Variants in HIRA observed in about 807,000 individuals in gnomAD.
HIRA encodes histone cell cycle regulator, also known as protein HIRA.
Under a neutral mutation model 126.6 loss-of-function variants are expected in HIRA, and 13 were observed. The observed-to-expected ratio is 0.10, with a 90% CI of 0.07 to 0.16. HIRA has a LOEUF of 0.16. HIRA is among the 10% of genes least tolerant of loss of function. HIRA has a pLI of 1.00. For synonymous variants in HIRA, 511 were observed against 520.0 expected (o/e 0.98, Z 0.24); for missense variants, 834 against 1,314.4 (o/e 0.63, Z 5.65).
At chr22:19,352,110 T>C (rs1036591608) in intron 23 of HIRA, among the ~76,000 whole-genome samples, 1 of 151,968 alleles carries the variant, frequency 6.6e-6, no homozygotes, top group South Asian at 2.1e-4. Flanking sequence ...GGTCCACTTT[T>C]ATACTAGATT....
chr22:19,396,749 G>C (rs758588502), intron 7 of HIRA, 38 bp downstream of exon 7: 1 of 1,606,254 alleles, frequency 6.2e-7, no homozygotes, highest in Non-Finnish European at 8.5e-7. Context: ...GGCTGGGGCA[G>C]CTGCGGGGGC....
At chr22:19,402,827 C>T (rs1601847418) in intron 5 of HIRA, among the ~76,000 whole-genome samples, 1 of 152,088 alleles carries the variant, frequency 6.6e-6, no homozygotes, top group South Asian at 2.1e-4. Flanking sequence ...AGCTTTAGGA[C>T]AGGTGTGGTG....
At chr22:19,358,295 T>G (rs2088832615) in intron 18 of HIRA, among the ~76,000 whole-genome samples, 1 of 152,222 alleles carries the variant, frequency 6.6e-6, no homozygotes, top group Admixed American at 6.5e-5. Context: ...AAAGCCATCA[T>G]TTTTGGGCTG....
At chr22:19,398,166 G>T in intron 5 of HIRA, 79 bp from the exon 6 acceptor site, 1 of 1,025,460 alleles carries the variant, frequency 9.8e-7, no homozygotes, top group South Asian at 1.4e-5. Flanking sequence ...GTGCCCCTGG[G>T]ACCTGGGACC....
At chr22:19,346,537 AC>A (rs2088688619) in intron 24 of HIRA, among the ~76,000 whole-genome samples, 1 of 152,218 alleles carries the variant, frequency 6.6e-6, no homozygotes, top group African/African-American at 2.4e-5. Flanking sequence ...GGCTATGTCT[AC>A]GTCTGCTCTA....
chr22:19,400,604 C>T (rs1601845968), intron 5 of HIRA, among the ~76,000 whole-genome samples: 1 of 152,132 alleles, frequency 6.6e-6, no homozygotes. Flanking sequence ...CTCCTAAACT[C>T]CCAGTTTGGA....
rs190620718 is a variant in HIRA, at chr22:19,388,539, G to A, written c.952C>T (p.Arg318Trp). ...AGTTCATGGATGACCACCAGCGGCC[G>A]TTTCAGACATGTGAGCTGGAAGGAA... Reference protein sequence around the residue: ...SLSVWLTCLKRPLVVIHELFD... With the variant: ...SLSVWLTCLKWPLVVIHELFD... The change falls in exon 10 of 25, where the codon CGG becomes TGG. Residue 318 changes from arginine (R) to tryptophan (W), a missense_variant. Physicochemically the swap from Arg to Trp is moderately radical, Grantham distance 101. Transcript: ENST00000263208. The A allele has an allele frequency of 1.2e-6, 2 of 1,613,226 alleles. No individual in the cohort carries two copies. Among genetic ancestry groups the A allele is most frequent in the East Asian group, 2.2e-5 (1 of 44,878 alleles).
intron 2 of HIRA, among the ~76,000 whole-genome samples, chr22:19,408,966 T>A (rs2089328847): frequency 6.6e-6 from 1 of 152,164 alleles, no homozygotes; most frequent in African/African-American, 2.4e-5. Context: ...ATCTGTGAAA[T>A]GAGGAGAAGG....
chr22:19,417,761 C>A (rs2089411464), intron 1 of HIRA, among the ~76,000 whole-genome samples: 1 of 152,080 alleles, frequency 6.6e-6, no homozygotes, highest in Non-Finnish European at 1.5e-5. Flanking sequence ...GGGTATATAA[C>A]CAAAAGAAAG....
At chr22:19,394,716 C>A (rs1344224144) in intron 7 of HIRA, among the ~76,000 whole-genome samples, 2 of 152,204 alleles carry the variant, frequency 1.3e-5, no homozygotes, top group Non-Finnish European at 2.9e-5. Context: ...CTGCAGCATC[C>A]TACACTCCCC....
chr22:19,372,291 T>C (rs923241201), intron 15 of HIRA, among the ~76,000 whole-genome samples: 4 of 152,356 alleles, frequency 2.6e-5, no homozygotes, highest in Admixed American at 1.3e-4. Context: ...CAAATGGGTA[T>C]GAAGTATTTC....
chr22:19,409,240 T>C (rs1206369705), intron 2 of HIRA, among the ~76,000 whole-genome samples: 3 of 152,108 alleles, frequency 2.0e-5, no homozygotes, highest in East Asian at 1.9e-4. Context: ...AGTTGATGTA[T>C]TGCTCGGCTA....
chr22:19,421,079 C>T (rs1185974563), intron 1 of HIRA, among the ~76,000 whole-genome samples: 2 of 152,100 alleles, frequency 1.3e-5, no homozygotes, highest in Non-Finnish European at 2.9e-5. Context: ...GGGTGGATCA[C>T]CTGAGGTCAG....
At chr22:19,350,352 T>C (rs1401612854) in intron 24 of HIRA, among the ~76,000 whole-genome samples, 1 of 152,196 alleles carries the variant, frequency 6.6e-6, no homozygotes, top group African/African-American at 2.4e-5. Context: ...AATTGCTCAA[T>C]GATTGAATGA....
chr22:19,427,235 C>T (rs2089495652), intron 1 of HIRA, among the ~76,000 whole-genome samples: 1 of 152,206 alleles, frequency 6.6e-6, no homozygotes, highest in South Asian at 2.1e-4. Context: ...TTGTGACAAC[C>T]ACAAATGTCT....
At chr22:19,396,642 A>G (rs1211609611) in intron 7 of HIRA, 145 bp downstream of exon 7, 3 of 698,806 alleles carry the variant, frequency 4.3e-6, no homozygotes, top group Non-Finnish European at 7.3e-6. Flanking sequence ...CACCCCAGAG[A>G]GCCTTGGTGA....
chr22:19,331,422 AGGGCAGGCTG>A lies in HIRA; in HGVS notation c.*8_*17del. 1 of 1,613,574 alleles carries A rather than the reference AGGGCAGGCTG, an allele frequency of 6.2e-7. No individual in the cohort carries two copies. Among genetic ancestry groups the A allele is most frequent in the Non-Finnish European group, 8.5e-7 (1 of 1,179,862 alleles). Reference sequence around the variant, plus strand: ...GTGTGGCCCTGCCCTTGCTGCAGCCAGGGCAGGCTGGGGCAGGCTACTTGTCCCTCAGGAT... The same window carrying A: ...GTGTGGCCCTGCCCTTGCTGCAGCCAGGGCAGGCTACTTGTCCCTCAGGAT... On this transcript the variant is annotated 3_prime_UTR_variant, in exon 25 of 25. Coordinates refer to ENST00000263208, the MANE Select transcript of HIRA (RefSeq NM_003325.4).
intron 1 of HIRA, among the ~76,000 whole-genome samples, chr22:19,412,702 G>A (rs1205453864): frequency 1.3e-5 from 2 of 152,124 alleles, no homozygotes; most frequent in Admixed American, 6.5e-5. Context: ...CTACCCAAGA[G>A]CACGTACAGG....
intron 13 of HIRA, 116 bp downstream of exon 13, chr22:19,383,504 T>C: frequency 1.2e-6 from 1 of 813,260 alleles, no homozygotes. Flanking sequence ...GCTTCCATGT[T>C]CTACCAGTCA....
Sources: gnomAD v4.1 joint callset for allele counts (sites outside exome capture counted in the v4.1 genomes callset) on GRCh38, gnomAD v4.1.1 for gene constraint, MANE v1.5 for transcripts, NCBI Gene and HGNC (gene_info 2026-07-23, HGNC 2026-07-21) for gene names.